SNX16: variants seen among roughly 807,000 people sequenced by gnomAD.
SNX16 encodes the protein sorting nexin 16, also known as sorting nexin-16.
Under a neutral mutation model 36.7 loss-of-function variants are expected in SNX16, and 35 were observed. The ratio of observed to expected loss-of-function variants is 0.95; its 90% CI spans 0.73 to 1.27. The LOEUF (loss-of-function observed/expected upper bound fraction) is 1.27, where lower values mean the gene tolerates loss of function less well. SNX16 is among the 50% of genes most tolerant of loss of function. SNX16 has a pLI of 0.00. For missense variants in SNX16, 367 were observed against 393.6 expected, an observed-to-expected ratio of 0.93 and a Z score of 0.57; for synonymous variants, 134 against 132.0, an observed-to-expected ratio of 1.02 and a Z score of -0.10.
At chr8:81,828,040 C>A (rs1218366784) in intron 3 of SNX16, among the ~76,000 whole-genome samples, 1 of 152,136 alleles carries the variant, frequency 6.6e-6, no homozygotes, top group Non-Finnish European at 1.5e-5. Context: ...GACAAGGCAG[C>A]TCTTCTTTTG....
intron 5 of SNX16, chr8:81,808,553 T>G (rs1810077875): frequency 6.0e-6 from 6 of 1,003,538 alleles, no homozygotes; most frequent in South Asian, 3.8e-5. Context: ...GAAGCTACAA[T>G]GATTTTGGCA....
chr8:81,823,547 T>C (rs567900414), intron 4 of SNX16, among the ~76,000 whole-genome samples: 1 of 152,080 alleles, frequency 6.6e-6, no homozygotes, highest in Non-Finnish European at 1.5e-5. Flanking sequence ...GTTTAGTACA[T>C]GGTACACTGG....
At chr8:81,811,275 G>A (rs755052166) in intron 5 of SNX16, among the ~76,000 whole-genome samples, 2 of 152,148 alleles carry the variant, frequency 1.3e-5, no homozygotes, top group East Asian at 1.9e-4. Flanking sequence ...TCTGGGAAAC[G>A]ATATATCTAT....
At position 81,824,630 on chromosome 8, in the gene SNX16, T is replaced by C. The variant is rs570506581; in HGVS notation, c.463-690A>G. On this transcript the variant is annotated intron_variant, in intron 3 of 7. Transcript: ENST00000345957. ...ACTTTTATATTCTGGTTATGACCTA[T>C]TTTATACATTTGGCTTAAATTTTAC... is the stretch of plus-strand genomic sequence containing the variant. 5.9e-5 allele frequency among the ~76,000 whole-genome samples: 9 copies of C among 152,310 alleles called. No homozygotes were observed. In the South Asian group the frequency reaches 1.7e-3, roughly 28 times the overall value.
At chr8:81,806,826 A>G (rs750374210) in intron 5 of SNX16, among the ~76,000 whole-genome samples, 23 of 152,204 alleles carry the variant, frequency 1.5e-4, no homozygotes, top group Non-Finnish European at 3.1e-4. Context: ...TAGATATATA[A>G]AAATCAATAA....
intron 2 of SNX16, among the ~76,000 whole-genome samples, chr8:81,836,303 A>G (rs2130765669): frequency 6.6e-6 from 1 of 152,288 alleles, no homozygotes; most frequent in Non-Finnish European, 1.5e-5. Flanking sequence ...ATCTAGAAAA[A>G]ATTATTTTAC....
intron 2 of SNX16, among the ~76,000 whole-genome samples, chr8:81,835,036 C>T (rs1211482512): frequency 6.6e-6 from 1 of 152,250 alleles, no homozygotes; most frequent in African/African-American, 2.4e-5. Flanking sequence ...CCTGGGCATC[C>T]AGGCATTTCC....
At chr8:81,841,250 A>G (rs1811752915) in intron 1 of SNX16, among the ~76,000 whole-genome samples, 1 of 151,534 alleles carries the variant, frequency 6.6e-6, no homozygotes, top group African/African-American at 2.4e-5. Context: ...CTGAGGCAGG[A>G]GAATCGCTTG....
intron 5 of SNX16, among the ~76,000 whole-genome samples, chr8:81,810,576 G>T (rs1274246026): frequency 6.6e-6 from 1 of 152,098 alleles, no homozygotes; most frequent in African/African-American, 2.4e-5. Context: ...TACAACTGTA[G>T]GAAAATGCAT....
intron 4 of SNX16, among the ~76,000 whole-genome samples, chr8:81,817,338 A>ATC (rs1810541146): frequency 6.6e-6 from 1 of 152,200 alleles, no homozygotes; most frequent in Non-Finnish European, 1.5e-5. Flanking sequence ...CCCTTTTTAT[A>ATC]TCTTTGGTTT....
Position 81,839,735 on chromosome 8 carries a change from A to G in SNX16, c.252T>C (p.Ile84=). ...RTKFTGTASS[I]EYSTRPRDTE... is the part of the protein sequence containing the mutation. ...TGTCTCTTGGTCTAGTAGAATACTC[A>G]ATGGAAGAAGCTGTACCTGTAAATT... The change falls in exon 2 of 8, where the codon ATT becomes ATC. Residue 84 remains isoleucine, a synonymous_variant. Transcript: ENST00000345957. 1.2e-6 allele frequency: 2 copies of G among 1,613,980 alleles called. No homozygotes were observed. Among genetic ancestry groups the G allele is most frequent in the Non-Finnish European group, 8.5e-7 (1 of 1,179,914 alleles).
intron 4 of SNX16, among the ~76,000 whole-genome samples, chr8:81,818,073 T>A (rs527472489): frequency 6.6e-6 from 1 of 152,138 alleles, no homozygotes; most frequent in Non-Finnish European, 1.5e-5. Flanking sequence ...TTCTCTTGAA[T>A]TTTGTTTAAA....
intron 4 of SNX16, among the ~76,000 whole-genome samples, chr8:81,819,882 G>A (rs551343611): frequency 1.3e-5 from 2 of 152,104 alleles, no homozygotes; most frequent in African/African-American, 4.8e-5. Flanking sequence ...GTTAAGAGTT[G>A]GAGAATATGT....
intron 5 of SNX16, among the ~76,000 whole-genome samples, chr8:81,806,518 G>A (rs1239905295): frequency 6.6e-6 from 1 of 151,678 alleles, no homozygotes; most frequent in Non-Finnish European, 1.5e-5. Flanking sequence ...AAACAACAAC[G>A]AAAACAATAA....
In SNX16 at chr8:81,839,940, G is replaced by C; in HGVS notation, c.47C>G (p.Ala16Gly). The change falls in exon 2 of 8, where the codon GCT (alanine) becomes GGT (glycine). Residue 16 changes from alanine to glycine, a missense_variant. Coordinates refer to ENST00000345957, the MANE Select transcript of SNX16 (RefSeq NM_152836.3). ...VPVPMPIGNSASSFTTNRNQR... is the reference protein window; with the variant it reads ...VPVPMPIGNSGSSFTTNRNQR... The stretch of plus-strand genomic sequence containing the variant: ...ATTTCTGTTTGTTGTAAAACTGGAA[G>C]CAGAGTTTCCTATGGGCATAGGAAC... 6.2e-7 allele frequency: 1 copy of C among 1,613,878 alleles called. No individual in the cohort carries two copies. The highest frequency in any genetic ancestry group is 8.5e-7 in the Non-Finnish European group (1 of 1,179,878).
chr8:81,805,567 G>T (rs552715124), intron 5 of SNX16, among the ~76,000 whole-genome samples: 7 of 152,260 alleles, frequency 4.6e-5, no homozygotes, highest in African/African-American at 1.4e-4. Flanking sequence ...AAAACAGTGA[G>T]ATTCAAAGTG....
chr8:81,801,695 A>AGAGT (rs61516400), intron 7 of SNX16, 102 bp from the exon 8 acceptor site: 478,476 of 649,202 alleles, frequency 0.74, 178,977 homozygotes, highest in African/African-American at 0.83. Context: ...CCTTATAGAA[A>AGAGT]ATTTACATAC....
In SNX16 at chr8:81,839,908, T is replaced by C; in HGVS notation, c.79A>G (p.Ser27Gly). 6.2e-7 allele frequency: 1 copy of C among 1,613,990 alleles called. No homozygotes were observed. The highest frequency in any genetic ancestry group is 8.5e-7 in the Non-Finnish European group (1 of 1,179,906). Residue 27 changes from serine (S) to glycine (G), a missense_variant, in exon 2 of 8, where the codon AGT (serine) becomes GGT (glycine). Transcript: ENST00000345957. ...SSFTTNRNQR[S>G]SSFGSVSTSS... ...GTTGAGACACTGCCAAAAGAAGAAC[T>C]TCTTTGATTTCTGTTTGTTGTAAAA...
At chr8:81,841,277 GTTGCAGTT>G (rs1210416351) in intron 1 of SNX16, among the ~76,000 whole-genome samples, 1 of 148,256 alleles carries the variant, frequency 6.7e-6, no homozygotes, top group Non-Finnish European at 1.5e-5. Context: ...GGAGGCGGAG[GTTGCAGTT>G]TGCCGAGATC....
Sources: allele counts gnomAD v4.1 joint callset (sites outside exome capture counted in the v4.1 genomes callset), GRCh38; gene constraint gnomAD v4.1.1; transcripts MANE v1.5; gene names NCBI Gene and HGNC (gene_info 2026-07-23, HGNC 2026-07-21).